Variants in ZFHX3 observed in about 807,000 individuals in gnomAD.
ZFHX3 encodes zinc finger homeobox 3, also known as zinc finger homeobox protein 3.
ZFHX3 carries 42 observed loss-of-function variants against 279.1 expected under a neutral mutation model. The ratio of observed to expected loss-of-function variants is 0.15; its 90% confidence interval spans 0.12 to 0.19. The LOEUF (loss-of-function observed/expected upper bound fraction) is 0.19, where lower values mean the gene tolerates loss of function less well. Among genes scored for constraint, ZFHX3 ranks in the 10% least tolerant of loss-of-function variants. The pLI, the probability that ZFHX3 is intolerant of heterozygous loss-of-function variation, is 1.00. For synonymous variants in ZFHX3, 2,293 were observed against 1,957.8 expected, an observed-to-expected ratio of 1.17 and a Z score of -4.52; for missense variants, 4,981 against 4,754.0, an observed-to-expected ratio of 1.05 and a Z score of -1.40.
intron 2 of ZFHX3, among the ~76,000 whole-genome samples, chr16:73,550,588 C>T (rs1433132822): frequency 2.0e-5 from 3 of 152,200 alleles, no homozygotes; most frequent in Non-Finnish European, 4.4e-5. Flanking sequence ...AGTTTTTCAA[C>T]AATGAGGTCA....
chr16:72,933,438 T>C (rs958403309), intron 3 of ZFHX3, among the ~76,000 whole-genome samples: 1 of 152,006 alleles, frequency 6.6e-6, no homozygotes, highest in African/African-American at 2.4e-5. Flanking sequence ...TATTTTACCC[T>C]CACATTGCAT....
In ZFHX3 at chr16:73,582,670, G is replaced by T. The variant is rs868643099; in HGVS notation, c.-1547+97510C>A. On this transcript the variant is annotated intron_variant, in intron 2 of 17. Transcript: ENST00000641206. The stretch of plus-strand genomic sequence containing the variant: ...TTTGTATTTTTTCAGAAGAGACAGG[G>T]TTTCACATGTTGGCCAGGCTAGTCT... 3.0e-4 allele frequency among the ~76,000 whole-genome samples: 45 copies of T among 151,868 alleles called. 1 individual carries two copies. The highest frequency in any genetic ancestry group is 9.7e-4 in the African/African-American group (40 of 41,226).
At chr16:73,075,076 G>A (rs567957667) in intron 8 of ZFHX3, among the ~76,000 whole-genome samples, 4 of 152,258 alleles carry the variant, frequency 2.6e-5, no homozygotes, top group African/African-American at 9.6e-5. Context: ...CCAAAGTGCT[G>A]GGATTACACG....
chr16:73,433,814 C>T (rs1260228673), intron 3 of ZFHX3, among the ~76,000 whole-genome samples: 1 of 152,182 alleles, frequency 6.6e-6, no homozygotes, highest in Non-Finnish European at 1.5e-5. Context: ...ACGGTGCCTA[C>T]TGGGTGAGCC....
intron 5 of ZFHX3, among the ~76,000 whole-genome samples, chr16:73,147,556 G>T (rs1175597051): frequency 6.6e-6 from 1 of 151,044 alleles, no homozygotes; most frequent in East Asian, 1.9e-4. Context: ...GCCGGGCGTG[G>T]TAGCGGGCGC....
chr16:73,355,341 A>T (rs1461235231), intron 3 of ZFHX3, among the ~76,000 whole-genome samples: 1 of 152,232 alleles, frequency 6.6e-6, no homozygotes, highest in Non-Finnish European at 1.5e-5. Flanking sequence ...AACCTGGCTT[A>T]AAAAATTCCA....
chr16:72,831,328 A>C (rs1390548705), intron 4 of ZFHX3, among the ~76,000 whole-genome samples: 1 of 152,208 alleles, frequency 6.6e-6, no homozygotes, highest in Admixed American at 6.5e-5. Context: ...CTTACCACCA[A>C]GAGGGAGTTT....
chr16:72,798,763 T>C, intron 8 of ZFHX3, 49 bp from the exon 9 acceptor site: 1 of 1,506,144 alleles, frequency 6.6e-7, no homozygotes, highest in Non-Finnish European at 8.8e-7. Flanking sequence ...GAAGGCTTTG[T>C]TTCAAGGATG....
intron 1 of ZFHX3, among the ~76,000 whole-genome samples, chr16:73,749,277 G>C (rs2053734951): frequency 6.6e-6 from 1 of 151,980 alleles, no homozygotes; most frequent in Non-Finnish European, 1.5e-5. Context: ...GATAATTCCT[G>C]TGCTTATCCT....
At chr16:73,736,075 C>T (rs2053607745) in intron 1 of ZFHX3, among the ~76,000 whole-genome samples, 1 of 152,062 alleles carries the variant, frequency 6.6e-6, no homozygotes, top group Admixed American at 6.6e-5. Context: ...GGGCCAGATG[C>T]ACACACAGCT....
At chr16:73,394,191 C>T (rs1401177317) in intron 3 of ZFHX3, among the ~76,000 whole-genome samples, 2 of 149,242 alleles carry the variant, frequency 1.3e-5, no homozygotes, top group East Asian at 3.9e-4. Flanking sequence ...GATAAAACGT[C>T]GAATAAGGCA....
At chr16:72,890,635 T>C (rs1412114051) in intron 3 of ZFHX3, among the ~76,000 whole-genome samples, 1 of 152,190 alleles carries the variant, frequency 6.6e-6, no homozygotes, top group Non-Finnish European at 1.5e-5. Context: ...ATAATCCTGA[T>C]CACATGGGCC....
chr16:73,349,762 C>T (rs2016200307), intron 3 of ZFHX3, among the ~76,000 whole-genome samples: 1 of 100,784 alleles, frequency 9.9e-6, no homozygotes, highest in Non-Finnish European at 1.9e-5. Flanking sequence ...CTCCCTCCTT[C>T]CTCCCTCTTT....
chr16:73,637,532 C>A (rs2052538326), intron 2 of ZFHX3, among the ~76,000 whole-genome samples: 1 of 152,038 alleles, frequency 6.6e-6, no homozygotes, highest in South Asian at 2.1e-4. Context: ...CATGCCCAGA[C>A]TATTTTGTGT....
chr16:73,643,867 T>C (rs79261411), intron 2 of ZFHX3, among the ~76,000 whole-genome samples: 9,072 of 152,240 alleles, frequency 0.06, 903 homozygotes, highest in African/African-American at 0.21. Context: ...TCATACCCCA[T>C]TCCACCCTTC....
intron 5 of ZFHX3, among the ~76,000 whole-genome samples, chr16:73,231,796 C>T (rs138720335): frequency 5.9e-5 from 9 of 152,238 alleles, no homozygotes; most frequent in African/African-American, 2.2e-4. Flanking sequence ...CTGTGATTAC[C>T]ACTTCTTTGC....
intron 2 of ZFHX3, among the ~76,000 whole-genome samples, chr16:73,551,078 A>G (rs976573682): frequency 6.6e-6 from 1 of 152,226 alleles, no homozygotes; most frequent in Non-Finnish European, 1.5e-5. Context: ...CTTCTGTTAC[A>G]CGAGAGATTG....
chr16:73,003,205 T>C (rs1403619412), intron 1 of ZFHX3, among the ~76,000 whole-genome samples: 6 of 151,996 alleles, frequency 3.9e-5, no homozygotes, highest in Non-Finnish European at 8.8e-5. Context: ...TAAGTGTCTG[T>C]AGCAAAAATC....
At chr16:73,600,339 C>T (rs1410083175) in intron 2 of ZFHX3, among the ~76,000 whole-genome samples, 1 of 152,084 alleles carries the variant, frequency 6.6e-6, no homozygotes, top group African/African-American at 2.4e-5. Context: ...ACTTGTTCTT[C>T]CCCATTCTGT....
Sources: gnomAD v4.1 joint callset for allele counts (sites outside exome capture counted in the v4.1 genomes callset) on GRCh38, gnomAD v4.1.1 for gene constraint, MANE v1.5 for transcripts, NCBI Gene and HGNC (gene_info 2026-07-23, HGNC 2026-07-21) for gene names.